FBXO44: variants seen among roughly 807,000 people sequenced by gnomAD.
FBXO44 encodes F-box protein 44.
A neutral mutation model predicts 33.5 loss-of-function variants in FBXO44; 25 were observed. That is an observed-to-expected ratio of 0.75 (90% CI 0.54 to 1.04). The LOEUF is 1.04. Ranked by LOEUF, FBXO44 falls within the 50% of genes least tolerant of loss-of-function variation. The probability of loss-of-function intolerance (pLI) is 0.00; values close to 1 mark genes in which losing one functional copy is unlikely to be tolerated. For missense variants in FBXO44, 311 were observed against 344.0 expected (o/e 0.90, Z 0.76); for synonymous variants, 147 against 152.8 (o/e 0.96, Z 0.28).
chr1:11,661,056 T>TC lies in FBXO44; in HGVS notation c.625-71dup. The TC allele has an allele frequency of 6.8e-7, 1 of 1,474,604 alleles. No homozygotes were observed. The highest frequency in any genetic ancestry group is 9.3e-7 in the Non-Finnish European group (1 of 1,078,906). 91.3% of individuals were successfully genotyped at this position (1,474,604 alleles called of 1,614,324 possible). The stretch of plus-strand genomic sequence containing the variant: ...CCTCAGCCTCCCAAAGTACTGGGAT[T>TC]CCCGGTGTGAGCCGCCACACCCAGC... On this transcript the variant is annotated intron_variant, in intron 5 of 5. Coordinates refer to ENST00000251547, the MANE Select transcript of FBXO44 (RefSeq NM_033182.7). This position sits in a 1 kb window ranked among gnomAD's most constrained non-coding sequence, Gnocchi z 4.4.
chr1:11,658,452 C>T, intron 3 of FBXO44, 59 bp downstream of exon 3: 1 of 1,611,688 alleles, frequency 6.2e-7, no homozygotes, highest in South Asian at 1.1e-5. Flanking sequence ...TGGGGTCTCT[C>T]CCACCCTGGA....
At chr1:11,655,486 G>A (rs887232831) in intron 1 of FBXO44, 1 of 294,670 alleles carries the variant, frequency 3.4e-6, no homozygotes, top group Non-Finnish European at 6.5e-6. Flanking sequence ...GCCCGGCTGC[G>A]CATTATATCC....
In FBXO44 at chr1:11,658,873, T is replaced by C. The variant is rs1309794027; in HGVS notation, c.624+2T>C. ...AAGAGCGATGCCAAGTGGAGGGAGG[T>C]GCGTGGGCCTGGGGGACGGGGGCAG... On this transcript the variant is annotated splice_donor_variant, in intron 5 of 5. Coordinates refer to ENST00000251547, the MANE Select transcript of FBXO44 (RefSeq NM_033182.7). LOFTEE classifies it high-confidence loss of function. The C allele has an allele frequency of 6.2e-7, 1 of 1,604,530 alleles. No individual in the cohort carries two copies. The highest frequency in any genetic ancestry group is 8.5e-7 in the Non-Finnish European group (1 of 1,179,780).
chr1:11,658,996 C>T, intron 5 of FBXO44, 125 bp downstream of exon 5: 2 of 1,249,932 alleles, frequency 1.6e-6, no homozygotes, highest in Non-Finnish European at 2.2e-6. Flanking sequence ...CTCTGAGCTT[C>T]ACTCGCTGTT....
intron 5 of FBXO44, among the ~76,000 whole-genome samples, chr1:11,659,716 G>C (rs888127289): frequency 6.6e-6 from 1 of 151,868 alleles, no homozygotes; most frequent in Non-Finnish European, 1.5e-5. Context: ...GGCTGGTCTC[G>C]CACTCCTGGC....
intron 2 of FBXO44, among the ~76,000 whole-genome samples, chr1:11,657,752 CA>C (rs59849748): frequency 0.55 from 83,590 of 151,090 alleles, 23,815 homozygotes; most frequent in African/African-American, 0.68. Flanking sequence ...AAAACAAAAA[CA>C]AAAAAAAAGA....
chr1:11,655,784 C>T, intron 1 of FBXO44, 22 bp from the exon 2 acceptor site: 1 of 1,600,998 alleles, frequency 6.2e-7, no homozygotes, highest in African/African-American at 1.3e-5. Flanking sequence ...GGGATGAGGC[C>T]TGCAGCATAG....
At chr1:11,660,729 C>G (rs777036324) in intron 5 of FBXO44, among the ~76,000 whole-genome samples, 2 of 152,192 alleles carry the variant, frequency 1.3e-5, no homozygotes, top group South Asian at 4.1e-4. Context: ...CCCTGCCCCC[C>G]TCAGGCAGTG....
chr1:11,656,773 C>T (rs1639840367), intron 2 of FBXO44, among the ~76,000 whole-genome samples: 1 of 152,182 alleles, frequency 6.6e-6, no homozygotes, highest in African/African-American at 2.4e-5. Flanking sequence ...TCTTATTCTG[C>T]TCTTAAGATT....
chr1:11,655,649 A>G, intron 1 of FBXO44, 157 bp from the exon 2 acceptor site: 1 of 673,152 alleles, frequency 1.5e-6, no homozygotes, highest in Non-Finnish European at 2.5e-6. Flanking sequence ...CCTTTTATTA[A>G]AGTACCTGAT....
At chr1:11,655,474 C>T (rs1639713502) in intron 1 of FBXO44, 2 of 271,636 alleles carry the variant, frequency 7.4e-6, no homozygotes, top group Admixed American at 4.8e-5. Context: ...CTGGGGTGCT[C>T]TGCCCGGCTG....
At position 11,655,856 on chromosome 1, in the gene FBXO44, C is replaced by T. The variant is rs139992584; in HGVS notation, c.21C>T (p.Asn7=). Reference sequence around the variant, plus strand: ...AAGCCATGGCTGTGGGGAACATCAACGAGCTGCCCGAGAACATCCTGCTGG... The same window carrying T: ...AAGCCATGGCTGTGGGGAACATCAATGAGCTGCCCGAGAACATCCTGCTGG... MAVGNI[N]ELPENILLEL... The change falls in exon 2 of 6, where the codon AAC becomes AAT. Residue 7 remains asparagine, a synonymous_variant. Transcript: ENST00000251547. The T allele has an allele frequency of 5.2e-5, 84 of 1,613,848 alleles. No individual in the cohort carries two copies. In the African/African-American group the frequency reaches 1.1e-3, roughly 20 times the overall value.
At chr1:11,654,437 TC>T, upstream of FBXO44, 1 of 1,233,826 alleles carries the variant, frequency 8.1e-7, no homozygotes, top group Non-Finnish European at 1.0e-6. Flanking sequence ...TCTGTGTCGG[TC>T]CCGGCGACCG....
intron 2 of FBXO44, among the ~76,000 whole-genome samples, 156 bp downstream of exon 2, chr1:11,656,256 T>A (rs1276764377): frequency 6.6e-6 from 1 of 151,894 alleles, no homozygotes; most frequent in African/African-American, 2.4e-5. Context: ...AGTGCACACA[T>A]TTTTCAGATG....
chr1:11,656,092 G>A lies in FBXO44; in HGVS notation c.257G>A (p.Cys86Tyr). The change falls in exon 2 of 6, where the codon TGC becomes TAC. Residue 86 changes from cysteine (C) to tyrosine (Y), a missense_variant. Physicochemically the swap from Cys to Tyr is radical, Grantham distance 194. Transcript: ENST00000251547. Reference protein sequence around the residue: ...SLHRNLLHNPCAEEGFEFWSL... With the variant: ...SLHRNLLHNPYAEEGFEFWSL... ...CACAGGAACCTCCTGCACAACCCGT[G>A]CGCTGAAGGTGGGGTACAGGCCGGG... 1 of 1,613,608 alleles carries A rather than the reference G, an allele frequency of 6.2e-7. No individual in the cohort carries two copies.
At position 11,658,736 on chromosome 1, in the gene FBXO44, G is replaced by T; in HGVS notation, c.489G>T (p.Trp163Cys). The change falls in exon 5 of 6, where the codon TGG (tryptophan) becomes TGT (cysteine). Residue 163 changes from tryptophan (W) to cysteine (C), a missense_variant and splice_region_variant. Transcript: ENST00000251547. Reference sequence around the variant, plus strand: ...TGATGGGCCCTCCCTCTCCCTGCAGGTTCGCAGCCAGGCCAGATTGCGGGT... The same window carrying T: ...TGATGGGCCCTCCCTCTCCCTGCAGTTTCGCAGCCAGGCCAGATTGCGGGT... The part of the protein sequence containing the change: ...TTRPDIEVKD[W>C]FAARPDCGSK... The T allele has an allele frequency of 6.2e-7, 1 of 1,613,968 alleles. No homozygotes were observed. Among genetic ancestry groups the T allele is most frequent in the Non-Finnish European group, 8.5e-7 (1 of 1,179,958 alleles).
intron 1 of FBXO44, chr1:11,655,203 G>A (rs915164849): frequency 2.0e-5 from 3 of 151,766 alleles, no homozygotes; most frequent in African/African-American, 7.3e-5. Context: ...GGGAAGGGGA[G>A]GCTGCAGGCG....
rs776778731 is a variant in FBXO44 at position 11,655,902 on chromosome 1, G to A, written c.67G>A (p.Ala23Thr). 24 of 1,613,918 alleles carry A rather than the reference G, an allele frequency of 1.5e-5. No homozygotes were observed. Among genetic ancestry groups the A allele is most frequent in the Non-Finnish European group, 1.7e-5 (20 of 1,180,036 alleles). Residue 23 changes from alanine to threonine, a missense_variant, in exon 2 of 6, where the codon GCC (alanine) becomes ACC (threonine). Coordinates refer to ENST00000251547, the MANE Select transcript of FBXO44 (RefSeq NM_033182.7). ...ILLELFTHVPARQLLLNCRLV... is the reference protein window; with the variant it reads ...ILLELFTHVPTRQLLLNCRLV... ...GCTGGAGCTGTTCACGCACGTGCCC[G>A]CCCGCCAGCTGCTGCTGAACTGCCG... is the stretch of plus-strand genomic sequence containing the variant.
chr1:11,656,565 G>C (rs1164826431), intron 2 of FBXO44, among the ~76,000 whole-genome samples: 1 of 151,588 alleles, frequency 6.6e-6, no homozygotes, highest in African/African-American at 2.4e-5. Flanking sequence ...GGGTTCAAGC[G>C]ATTCTCCTGC....
Sources: gnomAD v4.1 joint callset for allele counts (sites outside exome capture counted in the v4.1 genomes callset) on GRCh38, gnomAD v4.1.1 for gene constraint, Gnocchi (gnomAD v3.1) non-coding constraint, MANE v1.5 for transcripts, NCBI Gene and HGNC (gene_info 2026-07-23, HGNC 2026-07-21) for gene names.